Variants in OR4N2 observed in about 807,000 individuals in gnomAD.
OR4N2 encodes olfactory receptor 4N2.
For missense variants in OR4N2, 307 were observed against 377.6 expected (o/e 0.81, Z 1.55); for synonymous variants, 141 against 140.4 (o/e 1.00, Z -0.03).
rs374670927 is a variant in OR4N2 at position 19,808,564 on chromosome 14, A to G, written c.-10+4720A>G. On this transcript the variant is annotated intron_variant, in intron 1 of 1. Coordinates refer to ENST00000557677, the MANE Select transcript of OR4N2 (RefSeq NM_001004723.3). ...ATTAATGGCAAAACACTGCTGACAG[A>G]AATCAGAGATGACAGAAATGAATGG... Among the ~76,000 whole-genome samples the G allele has an allele frequency of 4.0e-4, 61 of 152,322 alleles. No homozygotes were observed. The East Asian group carries it at 0.01, about 26-fold the overall frequency.
intron 1 of OR4N2, among the ~76,000 whole-genome samples, chr14:19,813,841 CTTT>C (rs34020966): frequency 0.56 from 80,071 of 144,128 alleles, 17,551 homozygotes; most frequent in Non-Finnish European, 0.6. Context: ...GTTTCTTCAC[CTTT>C]TTTTTTTTTT....
chr14:19,807,771 G>A (rs1879200816), intron 1 of OR4N2, among the ~76,000 whole-genome samples: 1 of 151,964 alleles, frequency 6.6e-6, no homozygotes, highest in South Asian at 2.1e-4. Context: ...AACCTGGCAG[G>A]GACAGAACAA....
At chr14:19,823,777 G>C (rs374281355) in intron 1 of OR4N2, among the ~76,000 whole-genome samples, 1 of 151,450 alleles carries the variant, frequency 6.6e-6, no homozygotes, top group African/African-American at 2.4e-5. Context: ...CAAATTAACA[G>C]GGAAAAGAAA....
intron 1 of OR4N2, among the ~76,000 whole-genome samples, chr14:19,816,575 C>G (rs944771272): frequency 2.0e-5 from 3 of 152,228 alleles, no homozygotes. Context: ...AGTTGCTTAT[C>G]AGCTGAAGGA....
At chr14:19,814,462 G>A (rs1341916373) in intron 1 of OR4N2, among the ~76,000 whole-genome samples, 1 of 152,080 alleles carries the variant, frequency 6.6e-6, no homozygotes, top group Non-Finnish European at 1.5e-5. Flanking sequence ...TACTGAGTAA[G>A]GTGCTTATCT....
intron 1 of OR4N2, among the ~76,000 whole-genome samples, chr14:19,806,540 C>T (rs1165300232): frequency 1.3e-5 from 2 of 152,302 alleles, no homozygotes; most frequent in African/African-American, 4.8e-5. Flanking sequence ...AATGTATATA[C>T]ACTGAACATT....
chr14:19,806,826 T>C (rs1218472574), intron 1 of OR4N2, among the ~76,000 whole-genome samples: 1 of 152,116 alleles, frequency 6.6e-6, no homozygotes, highest in Non-Finnish European at 1.5e-5. Context: ...CAAGTCTCAA[T>C]GCATTCAAAA....
chr14:19,827,799 G>C lies in OR4N2; in HGVS notation c.351G>C (p.Val117=), dbSNP rs1400442647. ...GAGGGGAGGGATTACTCCTTGTTGTGATGGCCTTTGACCGCTACATCGCCA... is the reference window on the plus strand; with the variant it reads ...GAGGGGAGGGATTACTCCTTGTTGTCATGGCCTTTGACCGCTACATCGCCA... ...LGGGEGLLLV[V]MAFDRYIAIC... Residue 117 remains valine (V), a synonymous_variant, in exon 2 of 2, where the codon GTG becomes GTC. Transcript: ENST00000557677. The C allele has an allele frequency of 6.2e-6, 10 of 1,614,104 alleles. No individual in the cohort carries two copies. Among genetic ancestry groups the C allele is most frequent in the Non-Finnish European group, 8.5e-6 (10 of 1,180,050 alleles).
chr14:19,806,518 G>A (rs1195005152), intron 1 of OR4N2, among the ~76,000 whole-genome samples: 2 of 152,126 alleles, frequency 1.3e-5, no homozygotes, highest in Non-Finnish European at 2.9e-5. Context: ...TCAACAAGAA[G>A]ACTTTATCCT....
rs1301717048 is a variant in OR4N2 at position 19,803,844 on chromosome 14, G to A, written c.-10G>A. Reference sequence around the variant, plus strand: ...ATTCCTGTGATCCTGGGCTTTTTCTGGTTGGTAGGCTTTTTATTACTAACA... The same window carrying A: ...ATTCCTGTGATCCTGGGCTTTTTCTAGTTGGTAGGCTTTTTATTACTAACA... On this transcript the variant is annotated splice_region_variant and 5_prime_UTR_variant, in exon 1 of 2. Transcript: ENST00000557677. 2 of 152,196 alleles carry A rather than the reference G, an allele frequency of 1.3e-5. No individual in the cohort carries two copies. Among genetic ancestry groups the A allele is most frequent in the Admixed American group, 6.5e-5 (1 of 15,280 alleles). The allele number at this position is 152,196 out of a possible 1,614,324, so 9.4% of individuals were successfully genotyped here. A position where few individuals can be genotyped will look rare whatever the true frequency, so the allele number is the denominator to read the frequency against.
chr14:19,825,858 G>A (rs527715499), intron 1 of OR4N2, among the ~76,000 whole-genome samples: 5 of 152,258 alleles, frequency 3.3e-5, no homozygotes, highest in African/African-American at 9.6e-5. Context: ...GTGCCCGGCC[G>A]CTAGAGCACT....
intron 1 of OR4N2, among the ~76,000 whole-genome samples, chr14:19,826,409 T>C (rs1418886149): frequency 2.0e-5 from 3 of 152,252 alleles, no homozygotes; most frequent in Non-Finnish European, 4.4e-5. Flanking sequence ...TTTATCTATT[T>C]AAACTGAAGA....
intron 1 of OR4N2, among the ~76,000 whole-genome samples, chr14:19,813,959 T>C (rs2138468121): frequency 6.6e-6 from 1 of 152,092 alleles, no homozygotes; most frequent in East Asian, 1.9e-4. Flanking sequence ...CTTCTCTCTC[T>C]CTCTTTTCTT....
At chr14:19,812,768 G>A (rs1310696820) in intron 1 of OR4N2, among the ~76,000 whole-genome samples, 1 of 151,974 alleles carries the variant, frequency 6.6e-6, no homozygotes, top group Non-Finnish European at 1.5e-5. Context: ...TTTTTTTCAC[G>A]TGCTTATTGG....
chr14:19,809,154 A>C (rs1196983027), intron 1 of OR4N2, among the ~76,000 whole-genome samples: 1 of 121,590 alleles, frequency 8.2e-6, no homozygotes, highest in African/African-American at 2.9e-5. Context: ...GCCAGATACA[A>C]AAAAAAAAAA....
At chr14:19,809,068 C>A (rs1354950774) in intron 1 of OR4N2, among the ~76,000 whole-genome samples, 2 of 152,088 alleles carry the variant, frequency 1.3e-5, no homozygotes, top group African/African-American at 4.8e-5. Flanking sequence ...GGGCTTGAGT[C>A]TGTAGCCTAA....
At chr14:19,822,991 C>T (rs1469879441) in intron 1 of OR4N2, among the ~76,000 whole-genome samples, 1 of 152,224 alleles carries the variant, frequency 6.6e-6, no homozygotes, top group Non-Finnish European at 1.5e-5. Context: ...AACTGGCATT[C>T]AAATGGAATT....
intron 1 of OR4N2, among the ~76,000 whole-genome samples, chr14:19,808,643 A>G (rs1385154516): frequency 6.6e-6 from 1 of 152,174 alleles, no homozygotes. Context: ...AAATGGCCAC[A>G]CTGCCCAAAG....
chr14:19,812,152 C>T (rs866917331), intron 1 of OR4N2, among the ~76,000 whole-genome samples: 2 of 151,886 alleles, frequency 1.3e-5, no homozygotes, highest in South Asian at 2.1e-4. Context: ...CTCTGAAAAA[C>T]GAAACAAAGT....
Sources: allele counts gnomAD v4.1 joint callset (sites outside exome capture counted in the v4.1 genomes callset), GRCh38; gene constraint gnomAD v4.1.1; transcripts MANE v1.5; gene names NCBI Gene and HGNC (gene_info 2026-07-23, HGNC 2026-07-21).